The following LGALS9 variants were observed in gnomAD, a reference collection of about 807,000 sequenced individuals.
LGALS9 encodes galectin 9.
In LGALS9, 26 loss-of-function variants were observed where a neutral mutation model predicts 35.9. The observed-to-expected ratio is 0.72, with a 90% CI of 0.53 to 1.01. The LOEUF is 1.01. Among genes scored for constraint, LGALS9 ranks in the 50% least tolerant of loss-of-function variants. LGALS9 has a pLI of 0.00. For missense variants in LGALS9, 347 were observed against 445.8 expected (o/e 0.78, Z 1.99); for synonymous variants, 149 against 172.2 (o/e 0.87, Z 1.06).
At chr17:27,640,823 A>G in intron 3 of LGALS9, 50 bp downstream of exon 3, 2 of 1,608,944 alleles carry the variant, frequency 1.2e-6, no homozygotes, top group Non-Finnish European at 8.5e-7. Context: ...CCCCAGCCCT[A>G]TCAGGTGAAT....
intron 1 of LGALS9, among the ~76,000 whole-genome samples, chr17:27,632,925 T>C (rs2074406862): frequency 6.6e-6 from 1 of 152,156 alleles, no homozygotes; most frequent in Non-Finnish European, 1.5e-5. Flanking sequence ...GGTCACGCGG[T>C]TCGCTGTCCT....
chr17:27,635,333 G>C (rs889466147), intron 1 of LGALS9, among the ~76,000 whole-genome samples: 4 of 152,094 alleles, frequency 2.6e-5, no homozygotes, highest in East Asian at 3.9e-4. Context: ...CCAGCTATTC[G>C]GGAGGTTGAG....
rs775182966 is a variant in LGALS9 at position 27,643,531 on chromosome 17, C to G, written c.451C>G (p.Arg151Gly). Residue 151 changes from arginine to glycine, a missense_variant, in exon 5 of 11, where the codon CGC becomes GGC. Physicochemically the swap from Arg to Gly is moderately radical, Grantham distance 125 (BLOSUM62 -2). Transcript: ENST00000395473. Reference protein sequence around the residue: ...QLSYISFQNPRTVPVQPAFST... With the variant: ...QLSYISFQNPGTVPVQPAFST... ...GTGCCTTTTGTTTTAACAGAACCCCCGCACAGTCCCTGTTCAGCCTGCCTT... is the reference window on the plus strand; with the variant it reads ...GTGCCTTTTGTTTTAACAGAACCCCGGCACAGTCCCTGTTCAGCCTGCCTT... 6.2e-7 allele frequency: 1 copy of G among 1,611,830 alleles called. No individual in the cohort carries two copies. Among genetic ancestry groups the G allele is most frequent in the South Asian group, 1.1e-5 (1 of 90,984 alleles).
Position 27,645,196 on chromosome 17 carries a change from T to G in LGALS9, c.541-118T>G, listed in dbSNP as rs1904841098. ...GGCTTGCTTGGGAGCAAGAGGGAGG[T>G]GGGTGTGTCCGGGGAGGCATTTCTG... On this transcript the variant is annotated intron_variant, in intron 5 of 10. Coordinates refer to ENST00000395473, the MANE Select transcript of LGALS9 (RefSeq NM_009587.3). The G allele has an allele frequency of 1.9e-6, 3 of 1,580,920 alleles. No individual in the cohort carries two copies. The African/African-American group carries it at 4.1e-5, about 21-fold the overall frequency.
chr17:27,631,520 G>T (rs2074392750), intron 1 of LGALS9, among the ~76,000 whole-genome samples: 1 of 152,208 alleles, frequency 6.6e-6, no homozygotes, highest in Non-Finnish European at 1.5e-5. Context: ...ACGAGTCATG[G>T]CTTTGACAGT....
intron 1 of LGALS9, among the ~76,000 whole-genome samples, chr17:27,633,824 C>A (rs1164551962): frequency 1.3e-5 from 2 of 152,260 alleles, no homozygotes; most frequent in Non-Finnish European, 2.9e-5. Context: ...ACCCAGTCCT[C>A]TCCAGAACAC....
chr17:27,640,321 C>G (rs754382538), intron 2 of LGALS9: 68 of 571,662 alleles, frequency 1.2e-4, no homozygotes, highest in Non-Finnish European at 1.9e-4. Flanking sequence ...TTGCTAATAC[C>G]AGCACTTTTC....
At position 27,640,676 on chromosome 17, in the gene LGALS9, A is replaced by T. The variant is rs1904403304; in HGVS notation, c.236A>T (p.Asn79Ile). 1.2e-6 allele frequency: 2 copies of T among 1,614,248 alleles called. No homozygotes were observed. Among genetic ancestry groups the T allele is most frequent in the Non-Finnish European group, 1.7e-6 (2 of 1,180,038 alleles). Residue 79 changes from asparagine (N) to isoleucine (I), a missense_variant, in exon 3 of 11, where the codon AAC becomes ATC. By Grantham distance (149) the Asn-to-Ile change is moderately radical. Transcript: ENST00000395473. ...GGYVVCNTRQ[N>I]GSWGPEERKT... ...TACGTGGTGTGCAACACGAGGCAGAACGGAAGCTGGGGGCCCGAGGAGAGG... is the reference window on the plus strand; with the variant it reads ...TACGTGGTGTGCAACACGAGGCAGATCGGAAGCTGGGGGCCCGAGGAGAGG...
At position 27,643,465 on chromosome 17, in the gene LGALS9, G is replaced by T. The variant is rs541629553; in HGVS notation, c.445-60G>T. The T allele has an allele frequency of 2.6e-4, 419 of 1,605,698 alleles. 1 individual carries two copies. In the African/African-American group the frequency reaches 4.9e-3, roughly 19 times the overall value. On this transcript the variant is annotated intron_variant, in intron 4 of 10. Transcript: ENST00000395473. ...CCTCTTGCCCCTGCCTCTGCCTTTC[G>T]GCTTCTCCTTGGCTCTATTAATGCT...
chr17:27,649,177 T>C lies in LGALS9; in HGVS notation c.*195T>C. 1.2e-6 allele frequency: 1 copy of C among 839,068 alleles called. No homozygotes were observed. Among genetic ancestry groups the C allele is most frequent in the Non-Finnish European group, 1.8e-6 (1 of 541,318 alleles). 52.0% of individuals were successfully genotyped at this position (839,068 alleles called of 1,614,324 possible). Reference sequence around the variant, plus strand: ...AGAAGGCAGCTGACGGGGATTGCCTTCCTCAGCCGCAGCAGCACCTGGGGC... The same window carrying C: ...AGAAGGCAGCTGACGGGGATTGCCTCCCTCAGCCGCAGCAGCACCTGGGGC... On this transcript the variant is annotated 3_prime_UTR_variant, in exon 11 of 11. Transcript: ENST00000395473.
intron 1 of LGALS9, among the ~76,000 whole-genome samples, chr17:27,635,450 A>G (rs2074438169): frequency 7.9e-6 from 1 of 125,984 alleles, no homozygotes; most frequent in African/African-American, 3.4e-5. Context: ...CTCTAAATAA[A>G]TAAATAAATA....
At chr17:27,648,275 GC>G (rs1241564527) in intron 10 of LGALS9, among the ~76,000 whole-genome samples, 39 of 152,230 alleles carry the variant, frequency 2.6e-4, no homozygotes, top group Non-Finnish European at 2.9e-4. Flanking sequence ...TTTGTAGACA[GC>G]TGTGTGACCT....
chr17:27,632,956 A>G (rs766464698), intron 1 of LGALS9, among the ~76,000 whole-genome samples: 4 of 152,064 alleles, frequency 2.6e-5, no homozygotes, highest in African/African-American at 4.8e-5. Flanking sequence ...GCTGAGTGCC[A>G]TGAGGGCCTG....
chr17:27,647,882 T>A (rs1211961113), intron 10 of LGALS9, among the ~76,000 whole-genome samples: 2 of 152,232 alleles, frequency 1.3e-5, no homozygotes, highest in Non-Finnish European at 2.9e-5. Flanking sequence ...CATGGACAGA[T>A]TGTCACAGAT....
rs1337023951 is a variant in LGALS9 at position 27,631,194 on chromosome 17, T to C, written c.-72T>C. 1 of 1,606,062 alleles carries C rather than the reference T, an allele frequency of 6.2e-7. No individual in the cohort carries two copies. Among genetic ancestry groups the C allele is most frequent in the Non-Finnish European group, 8.5e-7 (1 of 1,175,012 alleles). ...GTTGCTTTGGTTTCTATTTCTTTGTTAAGTCGTTCCCTCTACAAAGGACTT... is the reference window on the plus strand; with the variant it reads ...GTTGCTTTGGTTTCTATTTCTTTGTCAAGTCGTTCCCTCTACAAAGGACTT... On this transcript the variant is annotated 5_prime_UTR_variant, in exon 1 of 11. Transcript: ENST00000395473.
chr17:27,638,903 C>T (rs2074484837), intron 2 of LGALS9, among the ~76,000 whole-genome samples: 1 of 152,166 alleles, frequency 6.6e-6, no homozygotes, highest in Non-Finnish European at 1.5e-5. Flanking sequence ...GCTCACATGG[C>T]TTCTCAGTGG....
Position 27,643,552 on chromosome 17 carries a change from G to A in LGALS9, c.472G>A (p.Ala158Thr). The change falls in exon 5 of 11, where the codon GCC becomes ACC. Residue 158 changes from alanine to threonine, a missense_variant. Coordinates refer to ENST00000395473, the MANE Select transcript of LGALS9 (RefSeq NM_009587.3). ...CCCCCGCACAGTCCCTGTTCAGCCT[G>A]CCTTCTCCACGGTGCCGTTCTCCCA... is the stretch of plus-strand genomic sequence containing the variant. The part of the protein sequence containing the change: ...QNPRTVPVQP[A>T]FSTVPFSQPV... 6.2e-7 allele frequency: 1 copy of A among 1,611,902 alleles called. No homozygotes were observed. The highest frequency in any genetic ancestry group is 8.5e-7 in the Non-Finnish European group (1 of 1,179,778).
chr17:27,636,480 G>C (rs1394352089), intron 1 of LGALS9, among the ~76,000 whole-genome samples: 1 of 152,018 alleles, frequency 6.6e-6, no homozygotes, highest in East Asian at 1.9e-4. Context: ...GGGAATTTGG[G>C]GGGTTTCAAG....
Position 27,642,360 on chromosome 17 carries a change from C to A in LGALS9, c.444+12C>A, listed in dbSNP as rs1229904158. 1 of 1,611,810 alleles carries A rather than the reference C, an allele frequency of 6.2e-7. No individual in the cohort carries two copies. The highest frequency in any genetic ancestry group is 1.3e-5 in the African/African-American group (1 of 74,800). Reference sequence around the variant, plus strand: ...ACATCAGCTTCCAGGTCAGACTGTCCACCTGGCACCGGTCCCAGGGGCTGG... The same window carrying A: ...ACATCAGCTTCCAGGTCAGACTGTCAACCTGGCACCGGTCCCAGGGGCTGG... On this transcript the variant is annotated intron_variant, in intron 4 of 10. Coordinates refer to ENST00000395473, the MANE Select transcript of LGALS9 (RefSeq NM_009587.3).
Sources: allele counts gnomAD v4.1 joint callset (sites outside exome capture counted in the v4.1 genomes callset), GRCh38; gene constraint gnomAD v4.1.1; transcripts MANE v1.5; gene names NCBI Gene and HGNC (gene_info 2026-07-23, HGNC 2026-07-21).